The following PRMT3 variants were observed in gnomAD, a reference collection of about 807,000 sequenced individuals.
The protein encoded by PRMT3 is protein arginine methyltransferase 3, also known as protein arginine N-methyltransferase 3.
In PRMT3, 62 loss-of-function variants were observed where a neutral mutation model predicts 71.9. That is an observed-to-expected ratio of 0.86 (90% CI 0.70 to 1.07). The LOEUF (loss-of-function observed/expected upper bound fraction) is 1.07, where lower values mean the gene tolerates loss of function less well. PRMT3 is among the 50% of genes least tolerant of loss of function. PRMT3 has a pLI of 0.00. For missense variants in PRMT3, 663 were observed against 643.0 expected (o/e 1.03, Z -0.34); for synonymous variants, 213 against 220.4 (o/e 0.97, Z 0.30).
At chr11:20,424,392 A>G (rs1367778392) in intron 9 of PRMT3, among the ~76,000 whole-genome samples, 2 of 152,196 alleles carry the variant, frequency 1.3e-5, no homozygotes, top group Non-Finnish European at 2.9e-5. Flanking sequence ...CCACACATAC[A>G]TGGTTGTTTT....
intron 15 of PRMT3, among the ~76,000 whole-genome samples, chr11:20,504,207 C>T (rs978042569): frequency 1.3e-5 from 2 of 152,142 alleles, no homozygotes; most frequent in Admixed American, 1.3e-4. Flanking sequence ...TTCATCTTTT[C>T]CCAAATGTAT....
intron 15 of PRMT3, among the ~76,000 whole-genome samples, chr11:20,500,690 ATTCT>A (rs1346767752): frequency 7.2e-5 from 11 of 152,210 alleles, no homozygotes; most frequent in African/African-American, 2.7e-4. Flanking sequence ...TGAGAAAATC[ATTCT>A]TCACACCATA....
At chr11:20,405,392 C>G (rs965442357) in intron 8 of PRMT3, 1 of 152,136 alleles carries the variant, frequency 6.6e-6, no homozygotes, top group Non-Finnish European at 1.5e-5. Context: ...ATTTCTACCT[C>G]TTTGATTCTA....
intron 8 of PRMT3, chr11:20,405,833 T>G (rs1849057753): frequency 6.6e-6 from 1 of 152,224 alleles, no homozygotes; most frequent in South Asian, 2.1e-4. Context: ...ATTTGCCATC[T>G]TAGCTATCCC....
At chr11:20,397,800 T>G in intron 7 of PRMT3, 79 bp downstream of exon 7, 78 of 1,397,814 alleles carry the variant, frequency 5.6e-5, no homozygotes, top group Middle Eastern at 1.9e-4. Flanking sequence ...ATGTGTGCAC[T>G]ATAGGAGACC....
intron 11 of PRMT3, among the ~76,000 whole-genome samples, chr11:20,455,777 T>C (rs1051084641): frequency 6.6e-5 from 10 of 151,796 alleles, no homozygotes; most frequent in Admixed American, 2.6e-4. Flanking sequence ...GGTATAGGCC[T>C]GACTATACAT....
rs949349065 is a variant in PRMT3 at position 20,489,264 on chromosome 11, A to T, written c.1348-4655A>T. On this transcript the variant is annotated intron_variant, in intron 13 of 15. Coordinates refer to ENST00000331079, the MANE Select transcript of PRMT3 (RefSeq NM_005788.4). The stretch of plus-strand genomic sequence containing the variant: ...TTCAGTGAAATTTTATTTAACTGTG[A>T]CCTTGCCTTTGCAGATTAACCCAAC... Among the ~76,000 whole-genome samples the T allele has an allele frequency of 2.6e-5, 4 of 152,144 alleles. 1 individual carries two copies. Among genetic ancestry groups the T allele is most frequent in the Admixed American group, 1.3e-4 (2 of 15,264 alleles).
chr11:20,467,225 G>A lies in PRMT3; in HGVS notation c.1347+2679G>A, dbSNP rs368888532. ...TTCTGACATTATCCTTTAAAATTTA[G>A]TTAATATTATCAGAGGAAGGTAACG... On this transcript the variant is annotated intron_variant, in intron 13 of 15. Coordinates refer to ENST00000331079, the MANE Select transcript of PRMT3 (RefSeq NM_005788.4). Among the ~76,000 whole-genome samples the A allele has an allele frequency of 4.6e-5, 7 of 152,234 alleles. No homozygotes were observed. The East Asian group carries it at 1.2e-3, about 25-fold the overall frequency.
chr11:20,418,886 C>G lies in PRMT3; in HGVS notation c.894-7880C>G, dbSNP rs559492260. 1.2e-4 allele frequency among the ~76,000 whole-genome samples: 18 copies of G among 152,098 alleles called. No homozygotes were observed. The South Asian group carries it at 3.7e-3, about 32-fold the overall frequency. On this transcript the variant is annotated intron_variant, in intron 9 of 15. Coordinates refer to ENST00000331079, the MANE Select transcript of PRMT3 (RefSeq NM_005788.4). ...TCCATAAATAACAAATGAAATTAAA[C>G]ATGTAGTAACCATCACCCAGGCCAA...
Position 20,387,807 on chromosome 11 carries a change from T to C in PRMT3, c.28+33T>C, listed in dbSNP as rs1200894156. Reference sequence around the variant, plus strand: ...CCCTGGCCCCTCAGCACCCGGCTCGTCCAGCCCCAGGCCGCGCCGCTGTGG... The same window carrying C: ...CCCTGGCCCCTCAGCACCCGGCTCGCCCAGCCCCAGGCCGCGCCGCTGTGG... On this transcript the variant is annotated intron_variant, in intron 1 of 15. Coordinates refer to ENST00000331079, the MANE Select transcript of PRMT3 (RefSeq NM_005788.4). The surrounding 1 kb of genome is among the most constrained non-coding windows in gnomAD (Gnocchi z 4.3). 14 of 1,540,864 alleles carry C rather than the reference T, an allele frequency of 9.1e-6. No homozygotes were observed. The highest frequency in any genetic ancestry group is 1.1e-5 in the Non-Finnish European group (13 of 1,146,158).
intron 13 of PRMT3, among the ~76,000 whole-genome samples, chr11:20,493,032 A>G (rs1261806716): frequency 6.6e-6 from 1 of 152,124 alleles, no homozygotes. Flanking sequence ...CTGTGGTCCC[A>G]TCTACTCAGG....
intron 9 of PRMT3, among the ~76,000 whole-genome samples, chr11:20,415,354 T>C (rs953513060): frequency 1.3e-5 from 2 of 152,140 alleles, no homozygotes; most frequent in African/African-American, 4.8e-5. Flanking sequence ...GGTTCTGTCT[T>C]TGTGGGGTAC....
At chr11:20,470,595 A>G (rs544741804) in intron 13 of PRMT3, among the ~76,000 whole-genome samples, 174 of 152,300 alleles carry the variant, frequency 1.1e-3, no homozygotes, top group African/African-American at 3.9e-3. Context: ...ATAGTATTCC[A>G]TGGTGTATAT....
intron 6 of PRMT3, among the ~76,000 whole-genome samples, chr11:20,396,970 T>C (rs1045047438): frequency 6.6e-6 from 1 of 152,144 alleles, no homozygotes; most frequent in African/African-American, 2.4e-5. Context: ...TAGAGCCAAT[T>C]GTAGTTCCTC....
rs761777198 is a variant in PRMT3 at position 20,462,116 on chromosome 11, T to C, written c.1209T>C (p.Val403=). The change falls in exon 12 of 16, where the codon GTT becomes GTC. Residue 403 remains valine, a synonymous_variant. Coordinates refer to ENST00000331079, the MANE Select transcript of PRMT3 (RefSeq NM_005788.4). ...CMKKAVIPEA[V]VEVLDPKTLI... is the part of the protein sequence containing the mutation. ...AGAAAGCAGTTATTCCAGAAGCTGT[T>C]GTGGAAGTTTTAGATCCGAAGACTC... 1.9e-6 allele frequency: 3 copies of C among 1,613,042 alleles called. No individual in the cohort carries two copies. Among genetic ancestry groups the C allele is most frequent in the Non-Finnish European group, 2.5e-6 (3 of 1,179,274 alleles).
chr11:20,498,936 A>C (rs1851396246), intron 15 of PRMT3, among the ~76,000 whole-genome samples: 1 of 152,234 alleles, frequency 6.6e-6, no homozygotes, highest in Admixed American at 6.5e-5. Flanking sequence ...TATTAAAGTA[A>C]GTTCAAGAGG....
At chr11:20,453,302 G>A in intron 11 of PRMT3, among the ~76,000 whole-genome samples, 1 of 135,548 alleles carries the variant, frequency 7.4e-6, no homozygotes. Context: ...CCAATATAGT[G>A]AAACCCCGTC....
At chr11:20,403,006 A>T in intron 8 of PRMT3, 22 bp downstream of exon 8, 1 of 1,512,446 alleles carries the variant, frequency 6.6e-7, no homozygotes, top group Non-Finnish European at 9.2e-7. Flanking sequence ...AGGTTATAGA[A>T]TTATACATTT....
intron 13 of PRMT3, among the ~76,000 whole-genome samples, chr11:20,478,101 C>T (rs1434627033): frequency 6.6e-6 from 1 of 152,106 alleles, no homozygotes; most frequent in African/African-American, 2.4e-5. Flanking sequence ...GAATTTATTC[C>T]CCTCTGGAGA....
Sources: gnomAD v4.1 joint callset for allele counts (sites outside exome capture counted in the v4.1 genomes callset) on GRCh38, gnomAD v4.1.1 for gene constraint, Gnocchi (gnomAD v3.1) non-coding constraint, MANE v1.5 for transcripts, NCBI Gene and HGNC (gene_info 2026-07-23, HGNC 2026-07-21) for gene names.